COLQ: variants seen among roughly 807,000 people sequenced by gnomAD.
The protein encoded by COLQ is acetylcholinesterase collagenic tail peptide.
A neutral mutation model predicts 69.0 loss-of-function variants in COLQ; 48 were observed. The observed-to-expected ratio is 0.70, with a 90% CI of 0.55 to 0.88. The LOEUF (loss-of-function observed/expected upper bound fraction) is 0.88, where lower values mean the gene tolerates loss of function less well. Among genes scored for constraint, COLQ ranks in the 40% least tolerant of loss-of-function variants. COLQ has a pLI of 0.00. For missense variants in COLQ, 618 were observed against 594.6 expected, an observed-to-expected ratio of 1.04 and a Z score of -0.41; for synonymous variants, 217 against 211.2, an observed-to-expected ratio of 1.03 and a Z score of -0.24.
At chr3:15,492,534 G>A (rs2125144825) in intron 1 of COLQ, among the ~76,000 whole-genome samples, 1 of 152,302 alleles carries the variant, frequency 6.6e-6, no homozygotes, top group African/African-American at 2.4e-5. Context: ...GGGCGTAGTG[G>A]TGGGCGCCTG....
chr3:15,520,699 ATACT>A, intron 1 of COLQ, among the ~76,000 whole-genome samples: 1 of 152,332 alleles, frequency 6.6e-6, no homozygotes, highest in Admixed American at 6.5e-5. Flanking sequence ...TAAATAGGCC[ATACT>A]AGTAACCGAA....
chr3:15,453,731 G>C, intron 16 of COLQ, 98 bp downstream of exon 16: 3 of 812,774 alleles, frequency 3.7e-6, no homozygotes, highest in Non-Finnish European at 6.2e-6. Flanking sequence ...GCACCACAAA[G>C]TGGAGAGGCA....
rs2062761672 is a variant in COLQ at position 15,497,428 on chromosome 3, A to G, written c.107-7791T>C. Among the ~76,000 whole-genome samples, 4 of 152,090 alleles carry G rather than the reference A, an allele frequency of 2.6e-5. No homozygotes were observed. In the South Asian group the frequency reaches 8.3e-4, roughly 32 times the overall value. ...TCTACCCTCTTGCAAGGCCAGCCCC[A>G]CAATAGGTTACTGGAAATAGCCATT... On this transcript the variant is annotated intron_variant, in intron 1 of 16. Coordinates refer to ENST00000383788, the MANE Select transcript of COLQ (RefSeq NM_005677.4).
chr3:15,468,023 G>T, intron 11 of COLQ: 1 of 452,584 alleles, frequency 2.2e-6, no homozygotes, highest in Non-Finnish European at 4.4e-6. Flanking sequence ...CTGGGTCTCA[G>T]GATGGCAAAG....
intron 1 of COLQ, among the ~76,000 whole-genome samples, chr3:15,494,729 T>C (rs942849787): frequency 5.9e-5 from 9 of 152,094 alleles, no homozygotes; most frequent in African/African-American, 2.2e-4. Context: ...CTATGTTAGG[T>C]TTCCTCCATG....
intron 1 of COLQ, among the ~76,000 whole-genome samples, chr3:15,516,433 C>T (rs1270909095): frequency 2.6e-5 from 4 of 152,180 alleles, no homozygotes; most frequent in African/African-American, 4.8e-5. Context: ...GAAATCACAT[C>T]CTTCCATCTG....
At chr3:15,458,084 A>G in intron 13 of COLQ, 102 bp downstream of exon 13, 1 of 1,371,014 alleles carries the variant, frequency 7.3e-7, no homozygotes, top group Non-Finnish European at 1.0e-6. Flanking sequence ...CAGAGTCGTG[A>G]AAAAAAGTTA....
chr3:15,498,948 C>G (rs567931807), intron 1 of COLQ: 1 of 1,190,108 alleles, frequency 8.4e-7, no homozygotes, highest in Non-Finnish European at 1.1e-6. Flanking sequence ...GGCTGCTTTT[C>G]ATTTGGCTCA....
intron 2 of COLQ, 37 bp downstream of exon 2, chr3:15,489,488 G>A (rs918382150): frequency 4.4e-6 from 7 of 1,594,040 alleles, no homozygotes; most frequent in Non-Finnish European, 6.0e-6. Flanking sequence ...TGAGTAGCCT[G>A]CACTTTTTTT....
chr3:15,459,300 C>G (rs2062071491), intron 12 of COLQ, among the ~76,000 whole-genome samples: 1 of 152,056 alleles, frequency 6.6e-6, no homozygotes, highest in African/African-American at 2.4e-5. Context: ...AAGTGTACTC[C>G]CTAGCAATGT....
At chr3:15,480,799 C>T (rs955222726) in intron 3 of COLQ, among the ~76,000 whole-genome samples, 4 of 152,226 alleles carry the variant, frequency 2.6e-5, no homozygotes, top group African/African-American at 9.6e-5. Context: ...ATCCCACCAA[C>T]AGTGTAAAAG....
At chr3:15,503,389 T>C (rs1483517500) in intron 1 of COLQ, among the ~76,000 whole-genome samples, 2 of 152,210 alleles carry the variant, frequency 1.3e-5, no homozygotes, top group Non-Finnish European at 1.5e-5. Context: ...CCAATGATTC[T>C]GCCTGGGTGC....
chr3:15,518,899 T>A, intron 1 of COLQ, among the ~76,000 whole-genome samples: 1 of 152,258 alleles, frequency 6.6e-6, no homozygotes, highest in South Asian at 2.1e-4. Flanking sequence ...AATGAAAAGA[T>A]TTTCCTGGTT....
At chr3:15,492,056 C>CAA (rs58987336) in intron 1 of COLQ, among the ~76,000 whole-genome samples, 5 of 97,730 alleles carry the variant, frequency 5.1e-5, no homozygotes, top group East Asian at 2.5e-4. Flanking sequence ...GACTCCATCT[C>CAA]AAAAAAAAAA....
chr3:15,498,251 C>T (rs550751907), intron 1 of COLQ, among the ~76,000 whole-genome samples: 1 of 152,306 alleles, frequency 6.6e-6, no homozygotes, highest in South Asian at 2.1e-4. Flanking sequence ...TGCACACACC[C>T]GTTAGCATGT....
chr3:15,456,650 G>A, intron 13 of COLQ, 71 bp from the exon 14 acceptor site: 2 of 1,597,382 alleles, frequency 1.3e-6, no homozygotes, highest in Non-Finnish European at 8.5e-7. Flanking sequence ...GCTGGAGGAG[G>A]AAACAGAATC....
At chr3:15,497,321 G>T (rs2062760245) in intron 1 of COLQ, among the ~76,000 whole-genome samples, 1 of 152,130 alleles carries the variant, frequency 6.6e-6, no homozygotes, top group East Asian at 1.9e-4. Flanking sequence ...TGGGATTACA[G>T]GCATGAGCCA....
At chr3:15,458,743 A>T (rs557313075) in intron 12 of COLQ, among the ~76,000 whole-genome samples, 1 of 152,176 alleles carries the variant, frequency 6.6e-6, no homozygotes, top group Non-Finnish European at 1.5e-5. Context: ...ACAATGTCTT[A>T]TTTGTTTAGA....
chr3:15,468,931 T>C (rs889145188), intron 11 of COLQ, among the ~76,000 whole-genome samples: 4 of 152,224 alleles, frequency 2.6e-5, no homozygotes, highest in Non-Finnish European at 5.9e-5. Context: ...TTTCTGATTT[T>C]TGGCTTTGGA....
Sources: allele counts gnomAD v4.1 joint callset (sites outside exome capture counted in the v4.1 genomes callset), GRCh38; gene constraint gnomAD v4.1.1; transcripts MANE v1.5; gene names NCBI Gene and HGNC (gene_info 2026-07-23, HGNC 2026-07-21).